ACTL8: variants seen among roughly 807,000 people sequenced by gnomAD.
ACTL8 encodes actin like 8, also known as actin-like protein 8.
ACTL8 carries 3 observed loss-of-function variants against 9.3 expected under a neutral mutation model. The observed-to-expected ratio is 0.32, with a 90% confidence interval of 0.15 to 0.83. The LOEUF (loss-of-function observed/expected upper bound fraction) is 0.83, where lower values mean the gene tolerates loss of function less well. Ranked by LOEUF, ACTL8 falls within the 40% of genes least tolerant of loss-of-function variation. The probability of loss-of-function intolerance (pLI) is 0.57; values close to 1 mark genes in which losing one functional copy is unlikely to be tolerated. For synonymous variants in ACTL8, 224 were observed against 205.9 expected (o/e 1.09, Z -0.75); for missense variants, 381 against 492.2 (o/e 0.77, Z 2.14).
intron 1 of ACTL8, among the ~76,000 whole-genome samples, chr1:17,789,825 T>C (rs1315953342): frequency 6.6e-6 from 1 of 152,092 alleles, no homozygotes; most frequent in Non-Finnish European, 1.5e-5. Flanking sequence ...ACCGTTGTTA[T>C]AGGACCTTTG....
At chr1:17,769,427 A>G (rs1029832658) in intron 1 of ACTL8, among the ~76,000 whole-genome samples, 1 of 152,230 alleles carries the variant, frequency 6.6e-6, no homozygotes, top group African/African-American at 2.4e-5. Flanking sequence ...ACACGTTTGT[A>G]GCTGGTAGAT....
chr1:17,783,246 G>A (rs2102684273), intron 1 of ACTL8, among the ~76,000 whole-genome samples: 2 of 152,276 alleles, frequency 1.3e-5, no homozygotes, highest in East Asian at 3.9e-4. Context: ...CCCAGTGGGA[G>A]GTAATTGAAT....
intron 1 of ACTL8, among the ~76,000 whole-genome samples, chr1:17,768,320 G>A (rs1434892138): frequency 6.6e-6 from 1 of 152,238 alleles, no homozygotes; most frequent in African/African-American, 2.4e-5. Flanking sequence ...TAACTGGTGG[G>A]GATTTGACCT....
intron 1 of ACTL8, among the ~76,000 whole-genome samples, chr1:17,762,095 G>C (rs1210182584): frequency 1.3e-5 from 2 of 152,116 alleles, no homozygotes; most frequent in East Asian, 3.9e-4. Context: ...CCACTTGGGA[G>C]CAAATGTGGC....
intron 1 of ACTL8, among the ~76,000 whole-genome samples, chr1:17,805,377 C>A (rs74729327): frequency 1.0e-5 from 1 of 100,188 alleles, no homozygotes. Context: ...TTTTCTTTTT[C>A]TTTTTTTTTT....
chr1:17,806,469 C>G (rs1557442894), intron 1 of ACTL8, among the ~76,000 whole-genome samples: 1 of 152,248 alleles, frequency 6.6e-6, no homozygotes, highest in Non-Finnish European at 1.5e-5. Context: ...GCAAGTCTCC[C>G]TCTGTCCCTG....
At chr1:17,810,832 A>G (rs1046310788) in intron 1 of ACTL8, among the ~76,000 whole-genome samples, 4 of 152,210 alleles carry the variant, frequency 2.6e-5, no homozygotes, top group African/African-American at 4.8e-5. Flanking sequence ...ATGTATATCA[A>G]TAGTTCCTTT....
At chr1:17,772,612 C>T (rs1018961417) in intron 1 of ACTL8, among the ~76,000 whole-genome samples, 5 of 152,186 alleles carry the variant, frequency 3.3e-5, no homozygotes, top group Admixed American at 1.3e-4. Context: ...CATGCTGGAC[C>T]GGAGAGAGGG....
chr1:17,810,669 A>G (rs184991660), intron 1 of ACTL8, among the ~76,000 whole-genome samples: 2 of 152,316 alleles, frequency 1.3e-5, no homozygotes, highest in East Asian at 1.9e-4. Flanking sequence ...CCAGTCCTGT[A>G]TAGTTAACTC....
At chr1:17,782,771 A>G (rs967107125) in intron 1 of ACTL8, among the ~76,000 whole-genome samples, 3 of 152,188 alleles carry the variant, frequency 2.0e-5, no homozygotes, top group African/African-American at 7.2e-5. Context: ...CTGCTTCTAT[A>G]GGGGAAAGTA....
intron 1 of ACTL8, among the ~76,000 whole-genome samples, chr1:17,764,765 C>G (rs527285040): frequency 1.3e-5 from 2 of 152,236 alleles, no homozygotes; most frequent in African/African-American, 2.4e-5. Flanking sequence ...GTTCCTCCAG[C>G]GTTGCCTGCC....
chr1:17,802,877 C>T (rs1329230440), intron 1 of ACTL8, among the ~76,000 whole-genome samples: 2 of 152,012 alleles, frequency 1.3e-5, no homozygotes, highest in African/African-American at 2.4e-5. Context: ...CCCAGCTACT[C>T]GGGAGGCTGA....
intron 1 of ACTL8, among the ~76,000 whole-genome samples, chr1:17,819,678 T>G (rs978418167): frequency 1.3e-5 from 2 of 152,238 alleles, no homozygotes; most frequent in African/African-American, 4.8e-5. Flanking sequence ...TTCTGCAAGA[T>G]GAGTTCATAC....
intron 1 of ACTL8, among the ~76,000 whole-genome samples, chr1:17,770,068 G>A (rs987475917): frequency 6.6e-6 from 1 of 152,150 alleles, no homozygotes; most frequent in African/African-American, 2.4e-5. Context: ...TTATTGATGA[G>A]GTCTGTGGTT....
chr1:17,821,132 A>G (rs2053657172), intron 1 of ACTL8, among the ~76,000 whole-genome samples: 2 of 152,204 alleles, frequency 1.3e-5, no homozygotes, highest in Admixed American at 6.5e-5. Flanking sequence ...CCATTAAAAA[A>G]AAAAATTGGC....
intron 1 of ACTL8, among the ~76,000 whole-genome samples, chr1:17,802,420 C>CGTGTGTGT (rs1553122779): frequency 1.6e-5 from 2 of 126,336 alleles, no homozygotes; most frequent in South Asian, 2.3e-4. Flanking sequence ...GATGACTGTG[C>CGTGTGTGT]GTGCGTGTGT....
At chr1:17,822,854 G>A (rs1002202127) in intron 1 of ACTL8, 131 bp from the exon 2 acceptor site, 5 of 643,744 alleles carry the variant, frequency 7.8e-6, no homozygotes, top group African/African-American at 1.8e-5. Flanking sequence ...GTAATGGCTT[G>A]TGTAAAGGCT....
At chr1:17,808,922 T>C (rs1365526945) in intron 1 of ACTL8, among the ~76,000 whole-genome samples, 1 of 152,170 alleles carries the variant, frequency 6.6e-6, no homozygotes, top group Admixed American at 6.5e-5. Context: ...CTGGTGGGCT[T>C]TGTGTGTCAA....
chr1:17,812,428 T>C (rs1292902102), intron 1 of ACTL8, among the ~76,000 whole-genome samples: 19 of 97,038 alleles, frequency 2.0e-4, no homozygotes, highest in African/African-American at 6.8e-4. Flanking sequence ...TTTTTTTTCC[T>C]TTTTTTTTTT....
Sources: allele counts gnomAD v4.1 joint callset (sites outside exome capture counted in the v4.1 genomes callset), GRCh38; gene constraint gnomAD v4.1.1; transcripts MANE v1.5; gene names NCBI Gene and HGNC (gene_info 2026-07-23, HGNC 2026-07-21).